Variants in GRIN2B observed in about 807,000 individuals in gnomAD.
GRIN2B encodes glutamate receptor ionotropic, NMDA 2B.
Under a neutral mutation model 114.5 loss-of-function variants are expected in GRIN2B, and 5 were observed. That is an observed-to-expected ratio of 0.04 (90% CI 0.02 to 0.09). The LOEUF is 0.09. Ranked by LOEUF, GRIN2B falls within the 10% of genes least tolerant of loss-of-function variation. The pLI, the probability that GRIN2B is intolerant of heterozygous loss-of-function variation, is 1.00. For synonymous variants in GRIN2B, 787 were observed against 745.1 expected, an observed-to-expected ratio of 1.06 and a Z score of -0.92; for missense variants, 1,108 against 1,943.5, an observed-to-expected ratio of 0.57 and a Z score of 8.08.
rs1032179268 is a variant in GRIN2B, at chr12:13,549,653, C to G, written c.*13130G>C. 1 of 152,056 alleles carries G rather than the reference C, an allele frequency of 6.6e-6. No individual in the cohort carries two copies. Among genetic ancestry groups the G allele is most frequent in the Admixed American group, 6.6e-5 (1 of 15,266 alleles). The allele number at this position is 152,056 out of a possible 1,614,324, so 9.4% of individuals were successfully genotyped here. On this transcript the variant is annotated 3_prime_UTR_variant, in exon 14 of 14. Coordinates refer to ENST00000609686, the MANE Select transcript of GRIN2B (RefSeq NM_000834.5). The stretch of plus-strand genomic sequence containing the variant: ...AAGAAATCCTCTGTCCCAGTTTATT[C>G]TTGAGTTTTTTATTTATGTGGATTA...
intron 13 of GRIN2B, among the ~76,000 whole-genome samples, chr12:13,565,377 C>G (rs1263408039): frequency 6.6e-6 from 1 of 152,210 alleles, no homozygotes; most frequent in Non-Finnish European, 1.5e-5. Flanking sequence ...TGAATTCTCT[C>G]ATTTATTCTC....
At chr12:13,585,709 T>C (rs74065138) in intron 10 of GRIN2B, among the ~76,000 whole-genome samples, 12,345 of 152,258 alleles carry the variant, frequency 0.081, 873 homozygotes, top group African/African-American at 0.19. Flanking sequence ...TCATAGGCTA[T>C]GAAACAGTTT....
At chr12:13,600,748 C>T (rs1172222697) in intron 10 of GRIN2B, among the ~76,000 whole-genome samples, 3 of 152,094 alleles carry the variant, frequency 2.0e-5, no homozygotes, top group South Asian at 2.1e-4. Flanking sequence ...CAATTCCCTT[C>T]GATAAGGACA....
At chr12:13,601,130 CAGA>C in intron 10 of GRIN2B, among the ~76,000 whole-genome samples, 1 of 152,304 alleles carries the variant, frequency 6.6e-6, no homozygotes, top group African/African-American at 2.4e-5. Context: ...GTGCAGATTA[CAGA>C]AGAAGTTGTG....
intron 10 of GRIN2B, among the ~76,000 whole-genome samples, chr12:13,606,962 ACAAAT>A (rs947457344): frequency 2.7e-5 from 4 of 150,918 alleles, no homozygotes; most frequent in African/African-American, 9.8e-5. Context: ...AAAAAGGAAG[ACAAAT>A]CAGAGAAACA....
rs139289706 is a variant in GRIN2B, at chr12:13,751,408, G to A, written c.1010+1909C>T. Among the ~76,000 whole-genome samples the A allele has an allele frequency of 6.8e-3, 1,035 of 152,292 alleles. 7 individuals are homozygous for A. Among genetic ancestry groups the A allele is most frequent in the Middle Eastern group, 0.017 (5 of 294 alleles). On this transcript the variant is annotated intron_variant, in intron 4 of 13. Transcript: ENST00000609686. ...TTGGAGGAGGAAGATCATGTAAGAAGCCCTGTAGTAATGCATGTGAGAAAA... is the reference window on the plus strand; with the variant it reads ...TTGGAGGAGGAAGATCATGTAAGAAACCCTGTAGTAATGCATGTGAGAAAA...
chr12:13,720,843 T>C (rs749735057), intron 4 of GRIN2B, among the ~76,000 whole-genome samples: 16 of 152,108 alleles, frequency 1.1e-4, no homozygotes, highest in Non-Finnish European at 1.8e-4. Flanking sequence ...CTTTAACATA[T>C]ACTGCCTACT....
At chr12:13,611,646 G>C in intron 9 of GRIN2B, 79 bp downstream of exon 9, 1 of 1,350,488 alleles carries the variant, frequency 7.4e-7, no homozygotes, top group Non-Finnish European at 1.1e-6. Context: ...GGAAAATGCA[G>C]ATAACAAATG....
intron 10 of GRIN2B, among the ~76,000 whole-genome samples, chr12:13,602,527 C>A (rs966123331): frequency 6.6e-6 from 1 of 152,188 alleles, no homozygotes; most frequent in Non-Finnish European, 1.5e-5. Flanking sequence ...GAAAGCATGG[C>A]CCCATTTCCT....
At chr12:13,607,210 AAAATAT>A (rs1342848029) in intron 10 of GRIN2B, among the ~76,000 whole-genome samples, 1 of 108,752 alleles carries the variant, frequency 9.2e-6, no homozygotes, top group African/African-American at 3.6e-5. Flanking sequence ...TATAATATAT[AAAATAT>A]ATATAAAATA....
intron 5 of GRIN2B, among the ~76,000 whole-genome samples, chr12:13,655,105 A>C (rs892788879): frequency 6.6e-6 from 1 of 152,184 alleles, no homozygotes; most frequent in African/African-American, 2.4e-5. Context: ...TGAGAAACCC[A>C]GAGAAGTTAA....
chr12:13,592,219 G>A (rs1046181392), intron 10 of GRIN2B, among the ~76,000 whole-genome samples: 2 of 152,130 alleles, frequency 1.3e-5, no homozygotes, highest in Non-Finnish European at 2.9e-5. Flanking sequence ...ACAAGAAAGA[G>A]GCCCTCGCTG....
At chr12:13,949,403 G>C (rs1867433406) in intron 2 of GRIN2B, among the ~76,000 whole-genome samples, 1 of 152,028 alleles carries the variant, frequency 6.6e-6, no homozygotes. Flanking sequence ...CCCTCTTCCT[G>C]CCTCTTCTCT....
chr12:13,573,337 G>A (rs1948730653), intron 10 of GRIN2B, among the ~76,000 whole-genome samples: 1 of 148,834 alleles, frequency 6.7e-6, no homozygotes, highest in Admixed American at 6.6e-5. Context: ...TGTAGTCCCA[G>A]CTACTCCGGA....
intron 2 of GRIN2B, among the ~76,000 whole-genome samples, chr12:13,906,554 T>C (rs1397717531): frequency 6.6e-6 from 1 of 152,228 alleles, no homozygotes; most frequent in African/African-American, 2.4e-5. Flanking sequence ...ATGTAGGTAG[T>C]GTATGTCTCC....
intron 4 of GRIN2B, among the ~76,000 whole-genome samples, chr12:13,686,701 T>G (rs1950176590): frequency 6.6e-6 from 1 of 152,156 alleles, no homozygotes; most frequent in Non-Finnish European, 1.5e-5. Context: ...ACTTCACTCC[T>G]TAACCCTTGT....
intron 3 of GRIN2B, among the ~76,000 whole-genome samples, chr12:13,758,998 A>ATTTTTTT (rs5796560): frequency 4.7e-5 from 4 of 85,624 alleles, no homozygotes; most frequent in African/African-American, 2.0e-4. Context: ...ATCTAGTTCA[A>ATTTTTTT]TTTTTTTTTT....
chr12:13,584,283 C>T (rs1239167118), intron 10 of GRIN2B, among the ~76,000 whole-genome samples: 7 of 152,172 alleles, frequency 4.6e-5, no homozygotes, highest in African/African-American at 7.2e-5. Flanking sequence ...TTGGGCCAGA[C>T]TTAATTGCCT....
chr12:13,794,613 T>C (rs1169252592), intron 3 of GRIN2B, among the ~76,000 whole-genome samples: 2 of 152,214 alleles, frequency 1.3e-5, no homozygotes, highest in African/African-American at 4.8e-5. Context: ...CCCTCTACAG[T>C]TGTCTGATAG....
Sources: allele counts gnomAD v4.1 joint callset (sites outside exome capture counted in the v4.1 genomes callset), GRCh38; gene constraint gnomAD v4.1.1; transcripts MANE v1.5; gene names NCBI Gene and HGNC (gene_info 2026-07-23, HGNC 2026-07-21).